Variants in CCR5AS observed in about 807,000 individuals in gnomAD.
The protein encoded by CCR5AS is CCR5 antisense RNA.
chr3:46,394,370 C>T (rs1223063210), intron 1 of CCR5AS, among the ~76,000 whole-genome samples: 4 of 152,128 alleles, frequency 2.6e-5, no homozygotes, highest in African/African-American at 9.7e-5. Flanking sequence ...TGGCAGATTT[C>T]GGCGACTTAC....
chr3:46,366,177 A>G (rs1701596737), intron 3 of CCR5AS, among the ~76,000 whole-genome samples: 1 of 152,196 alleles, frequency 6.6e-6, no homozygotes, highest in Admixed American at 6.5e-5. Context: ...ATCTTCTAGT[A>G]AGCCCTGGGA....
intron 2 of CCR5AS, chr3:46,373,568 T>C: frequency 6.2e-7 from 1 of 1,613,210 alleles, no homozygotes; most frequent in Non-Finnish European, 8.5e-7. Context: ...AAACTCTGCT[T>C]CGGTGTCGAA....
intron 1 of CCR5AS, among the ~76,000 whole-genome samples, chr3:46,403,827 G>A (rs184731538): frequency 2.1e-4 from 32 of 152,346 alleles, no homozygotes; most frequent in African/African-American, 5.8e-4. Context: ...AGCCACTGTC[G>A]TGGTGTCGGC....
intron 2 of CCR5AS, among the ~76,000 whole-genome samples, chr3:46,386,329 C>G (rs1485181676): frequency 2.6e-5 from 4 of 152,236 alleles, no homozygotes. Flanking sequence ...AGCCTGGACA[C>G]CAGGTGCAGT....
At chr3:46,394,196 C>T (rs1023585681) in intron 1 of CCR5AS, among the ~76,000 whole-genome samples, 2 of 152,120 alleles carry the variant, frequency 1.3e-5, no homozygotes, top group African/African-American at 4.8e-5. Flanking sequence ...GTCAGGAATG[C>T]ACCTCAACAT....
intron 3 of CCR5AS, among the ~76,000 whole-genome samples, chr3:46,366,881 G>A (rs1485582566): frequency 2.6e-5 from 4 of 152,174 alleles, no homozygotes; most frequent in Admixed American, 2.0e-4. Context: ...GTGGCTCTAG[G>A]GACAGGAAGA....
chr3:46,396,691 C>T (rs1476277514), intron 1 of CCR5AS, among the ~76,000 whole-genome samples: 1 of 152,178 alleles, frequency 6.6e-6, no homozygotes, highest in Non-Finnish European at 1.5e-5. Context: ...AGAGGCCTAG[C>T]GCCCTCCCCT....
chr3:46,399,398 T>C (rs1701987939), intron 1 of CCR5AS, among the ~76,000 whole-genome samples: 1 of 151,274 alleles, frequency 6.6e-6, no homozygotes, highest in African/African-American at 2.4e-5. Flanking sequence ...GGGTGTAGAG[T>C]AGGGAATGAG....
intron 2 of CCR5AS, among the ~76,000 whole-genome samples, chr3:46,378,412 T>C (rs1199924229): frequency 6.6e-6 from 1 of 152,218 alleles, no homozygotes; most frequent in African/African-American, 2.4e-5. Context: ...CCGTTTTGTG[T>C]CATTGTGATT....
chr3:46,385,723 TTTATTTATTTATTTA>T (rs1404770234), intron 2 of CCR5AS, among the ~76,000 whole-genome samples: 13 of 151,814 alleles, frequency 8.6e-5, no homozygotes, highest in African/African-American at 2.9e-4. Context: ...CCCTTTATTA[TTTATTTATTTATTTA>T]TTATTTATTT....
intron 3 of CCR5AS, among the ~76,000 whole-genome samples, chr3:46,365,732 T>G (rs1056240555): frequency 1.2e-4 from 19 of 152,260 alleles, no homozygotes; most frequent in Non-Finnish European, 2.9e-5. Flanking sequence ...CTCTCTTTGA[T>G]TTGACTTCTT....
rs189914549 is a variant in CCR5AS, at chr3:46,385,802, G to A, written n.391+7023C>T. On this transcript the variant is annotated intron_variant and non_coding_transcript_variant, in intron 2 of 3. Transcript: ENST00000451485. ...GTCACCCAGGCTGGAGTGCAGTGGCGCAGTCTCAGCTCACTGCAAGCTCTG... is the reference window on the plus strand; with the variant it reads ...GTCACCCAGGCTGGAGTGCAGTGGCACAGTCTCAGCTCACTGCAAGCTCTG... Among the ~76,000 whole-genome samples the A allele has an allele frequency of 2.1e-3, 320 of 151,570 alleles. 1 individual carries two copies. The highest frequency in any genetic ancestry group is 3.2e-3 in the Non-Finnish European group (216 of 67,898).
At chr3:46,398,607 C>CA (rs1433254463) in intron 1 of CCR5AS, among the ~76,000 whole-genome samples, 1 of 152,198 alleles carries the variant, frequency 6.6e-6, no homozygotes, top group Admixed American at 6.5e-5. Context: ...TGTCCTAACT[C>CA]AGCACATTGT....
At chr3:46,406,143 T>TG (rs1702044847) in intron 1 of CCR5AS, among the ~76,000 whole-genome samples, 1 of 152,210 alleles carries the variant, frequency 6.6e-6, no homozygotes, top group African/African-American at 2.4e-5. Flanking sequence ...TCTGAGTAGC[T>TG]GGGGCTGTAG....
chr3:46,376,217 T>C (rs1008277574), intron 2 of CCR5AS: 1 of 161,252 alleles, frequency 6.2e-6, no homozygotes, highest in Non-Finnish European at 1.5e-5. Context: ...TTCATTATAT[T>C]CTTGCTCTTT....
intron 2 of CCR5AS, among the ~76,000 whole-genome samples, chr3:46,387,524 G>A (rs1370427803): frequency 2.0e-5 from 3 of 152,152 alleles, no homozygotes; most frequent in African/African-American, 7.2e-5. Context: ...AGAGGCAAGT[G>A]GATTGCTTGA....
intron 2 of CCR5AS, among the ~76,000 whole-genome samples, chr3:46,377,162 C>A (rs368179602): frequency 3.9e-5 from 6 of 152,266 alleles, no homozygotes; most frequent in South Asian, 2.1e-4. Context: ...GTCAATTGCT[C>A]GTTTTTCCTT....
intron 2 of CCR5AS, chr3:46,374,575 G>A (rs1006934213): frequency 1.2e-5 from 2 of 167,162 alleles, no homozygotes; most frequent in Non-Finnish European, 2.9e-5. Flanking sequence ...AGGAATTTGA[G>A]TTGGATCATC....
Position 46,372,693 on chromosome 3 carries a change from T to A in CCR5AS, n.392-1276A>T, listed in dbSNP as rs1701679557. On this transcript the variant is annotated intron_variant and non_coding_transcript_variant, in intron 2 of 3. Transcript: ENST00000451485. ...TCCCCCAACAGAGCCAAGCTCTCCATCTAGTGGACAGGGAAGCTAGCAGCA... is the reference window on the plus strand; with the variant it reads ...TCCCCCAACAGAGCCAAGCTCTCCAACTAGTGGACAGGGAAGCTAGCAGCA... 13 of 460,348 alleles carry A rather than the reference T, an allele frequency of 2.8e-5. No homozygotes were observed. In the South Asian group the frequency reaches 3.6e-4, roughly 13 times the overall value. 28.5% of individuals were successfully genotyped at this position (460,348 alleles called of 1,614,324 possible). A position where few individuals can be genotyped will look rare whatever the true frequency, so the allele number is the denominator to read the frequency against.
Sources: allele counts gnomAD v4.1 joint callset (sites outside exome capture counted in the v4.1 genomes callset), GRCh38; gene constraint gnomAD v4.1.1; transcripts MANE v1.5; gene names NCBI Gene and HGNC (gene_info 2026-07-23, HGNC 2026-07-21).